RPN2: variants seen among roughly 807,000 people sequenced by gnomAD.
RPN2 encodes ribophorin II, also known as dolichyl-diphosphooligosaccharide--protein glycosyltransferase subunit 2.
RPN2 carries 29 observed loss-of-function variants against 71.4 expected under a neutral mutation model. That is an observed-to-expected ratio of 0.41 (90% CI 0.30 to 0.55). RPN2 has a LOEUF of 0.55. RPN2 is among the 20% of genes least tolerant of loss of function. The pLI is 0.35. For missense variants in RPN2, 726 were observed against 774.1 expected, an observed-to-expected ratio of 0.94 and a Z score of 0.74; for synonymous variants, 308 against 305.0, an observed-to-expected ratio of 1.01 and a Z score of -0.10.
At chr20:37,193,830 C>CT (rs2067198483) in intron 2 of RPN2, among the ~76,000 whole-genome samples, 3 of 152,070 alleles carry the variant, frequency 2.0e-5, no homozygotes, top group African/African-American at 7.2e-5. Flanking sequence ...GAAGTCTGGG[C>CT]TGGAGGTACG....
chr20:37,197,977 G>T (rs753186945), intron 2 of RPN2, among the ~76,000 whole-genome samples: 2 of 152,234 alleles, frequency 1.3e-5, no homozygotes, highest in Non-Finnish European at 2.9e-5. Context: ...AATCAGAAGA[G>T]ACTGCCACTT....
Position 37,236,842 on chromosome 20 carries a change from A to G in RPN2, c.1883+133A>G. On this transcript the variant is annotated intron_variant, in intron 16 of 16. Coordinates refer to ENST00000237530, the MANE Select transcript of RPN2 (RefSeq NM_002951.5). ...CAAGTCTGACACCCTAATCTAGCCC[A>G]GTACAGAAGCCAGAAGCACTTTGAA... The G allele has an allele frequency of 5.7e-6, 5 of 872,148 alleles. No homozygotes were observed. The South Asian group carries it at 7.0e-5, about 12-fold the overall frequency. The allele number at this position is 872,148 out of a possible 1,614,324, so 54.0% of individuals were successfully genotyped here. A position where few individuals can be genotyped will look rare whatever the true frequency, so the allele number is the denominator to read the frequency against.
intron 11 of RPN2, 130 bp from the exon 12 acceptor site, chr20:37,228,420 G>A (rs1279927190): frequency 1.2e-6 from 1 of 867,074 alleles, no homozygotes; most frequent in African/African-American, 1.7e-5. Context: ...TCTGGGGCAG[G>A]TCTGGCAGAT....
At chr20:37,202,723 G>C (rs1192531249) in intron 4 of RPN2, among the ~76,000 whole-genome samples, 11 of 152,132 alleles carry the variant, frequency 7.2e-5, no homozygotes, top group Non-Finnish European at 1.3e-4. Context: ...CCATAAAAAA[G>C]AATGAAGTGC....
chr20:37,203,215 G>A (rs902768001), intron 4 of RPN2, among the ~76,000 whole-genome samples: 1 of 152,100 alleles, frequency 6.6e-6, no homozygotes, highest in African/African-American at 2.4e-5. Context: ...GTGAGCCACC[G>A]TGCTCAACCA....
At chr20:37,216,627 A>G (rs12479986) in intron 9 of RPN2, among the ~76,000 whole-genome samples, 115,190 of 151,470 alleles carry the variant, frequency 0.76, 44,247 homozygotes, top group Middle Eastern at 0.89. Flanking sequence ...ACACCTGGCT[A>G]ATTTTTGCAT....
At chr20:37,240,627 G>T (rs2068526103) in intron 16 of RPN2, among the ~76,000 whole-genome samples, 1 of 152,194 alleles carries the variant, frequency 6.6e-6, no homozygotes, top group African/African-American at 2.4e-5. Context: ...AGTCTGTCTA[G>T]ATTGTCATTT....
chr20:37,229,269 A>T (rs2068169285), intron 12 of RPN2, among the ~76,000 whole-genome samples: 2 of 152,202 alleles, frequency 1.3e-5, no homozygotes, highest in Admixed American at 6.5e-5. Context: ...GATTGGCGTG[A>T]TGAGAGTAAA....
rs183537744 is a variant in RPN2 at position 37,228,577 on chromosome 20, A to C, written c.1327A>C (p.Thr443Pro). ...QTFVRLHNQKTGQEVVFVAEP... is the reference protein window; with the variant it reads ...QTFVRLHNQKPGQEVVFVAEP... ...ATTTGTCCGACTCCATAACCAGAAG[A>C]CTGGCCAGGAAGTGGTGTTTGTTGC... is the stretch of plus-strand genomic sequence containing the variant. The change falls in exon 12 of 17, where the codon ACT becomes CCT. Residue 443 changes from threonine to proline, a missense_variant. Transcript: ENST00000237530. 1 of 1,614,140 alleles carries C rather than the reference A, an allele frequency of 6.2e-7. No individual in the cohort carries two copies.
intron 15 of RPN2, among the ~76,000 whole-genome samples, chr20:37,234,964 G>A (rs2068346895): frequency 6.6e-6 from 1 of 152,166 alleles, no homozygotes; most frequent in African/African-American, 2.4e-5. Flanking sequence ...ATAGGTGTGA[G>A]CCACCACGCC....
rs763063909 is a variant in RPN2, at chr20:37,204,814, T to C, written c.603T>C (p.Phe201=). ...LDELGGVYLQ[F]EEGLETTALF... The stretch of plus-strand genomic sequence containing the variant: ...AACTCGGGGGCGTGTATCTCCAGTT[T>C]GAAGAAGGACTGGAAACAACAGCGT... Residue 201 remains phenylalanine (F), a synonymous_variant, in exon 6 of 17, where the codon TTT becomes TTC. Transcript: ENST00000237530. 2 of 1,614,130 alleles carry C rather than the reference T, an allele frequency of 1.2e-6. No individual in the cohort carries two copies. Among genetic ancestry groups the C allele is most frequent in the South Asian group, 2.2e-5 (2 of 91,084 alleles).
At chr20:37,215,755 A>AT (rs2067791016) in intron 9 of RPN2, among the ~76,000 whole-genome samples, 1 of 152,096 alleles carries the variant, frequency 6.6e-6, no homozygotes, top group Admixed American at 6.5e-5. Flanking sequence ...AATATTTGGT[A>AT]TTTTTAGGTT....
intron 9 of RPN2, among the ~76,000 whole-genome samples, chr20:37,217,370 G>A (rs2067837312): frequency 6.6e-6 from 1 of 151,088 alleles, no homozygotes; most frequent in Non-Finnish European, 1.5e-5. Context: ...CCGGCTCACT[G>A]GAACCTCCGC....
rs138894622 is a variant in RPN2, at chr20:37,213,787, C to T, written c.1014C>T (p.Asn338=). 1.3e-3 allele frequency: 2,071 copies of T among 1,613,864 alleles called. 2 individuals are homozygous for T. The highest frequency in any genetic ancestry group is 1.6e-3 in the Non-Finnish European group (1,892 of 1,179,764). Reference sequence around the variant, plus strand: ...ATGTTTTTGAACTAAATTTCATGAACGTCAAATTTTCCAGTGGTTATTATG... The same window carrying T: ...ATGTTTTTGAACTAAATTTCATGAATGTCAAATTTTCCAGTGGTTATTATG... ...VGDVFELNFM[N]VKFSSGYYDF... Residue 338 remains asparagine, a synonymous_variant, in exon 9 of 17, where the codon AAC becomes AAT. Transcript: ENST00000237530.
intron 7 of RPN2, among the ~76,000 whole-genome samples, chr20:37,208,919 A>G (rs149386463): frequency 1.5e-3 from 233 of 152,320 alleles, no homozygotes; most frequent in East Asian, 0.014. Context: ...CTGTTCTTCA[A>G]AATTGCCCAT....
chr20:37,219,023 C>T, intron 9 of RPN2, among the ~76,000 whole-genome samples: 1 of 152,014 alleles, frequency 6.6e-6, no homozygotes, highest in East Asian at 1.9e-4. Context: ...GTTTTTGGTT[C>T]TTTCAGGTAT....
chr20:37,211,198 C>G (rs911447453), intron 8 of RPN2, among the ~76,000 whole-genome samples: 81 of 151,580 alleles, frequency 5.3e-4, no homozygotes, highest in Non-Finnish European at 1.0e-3. Flanking sequence ...CTACGCCTGG[C>G]TAATTTTTGT....
chr20:37,188,470 A>G (rs1415938895), intron 2 of RPN2, among the ~76,000 whole-genome samples: 1 of 151,698 alleles, frequency 6.6e-6, no homozygotes, highest in Non-Finnish European at 1.5e-5. Flanking sequence ...GTACTTTTTA[A>G]CCTTCTTTCA....
At chr20:37,180,517 G>A (rs2066834233) in intron 1 of RPN2, among the ~76,000 whole-genome samples, 1 of 152,154 alleles carries the variant, frequency 6.6e-6, no homozygotes, top group Admixed American at 6.5e-5. Flanking sequence ...AGAAGATTAG[G>A]ATTCTGACAC....
Sources: gnomAD v4.1 joint callset for allele counts (sites outside exome capture counted in the v4.1 genomes callset) on GRCh38, gnomAD v4.1.1 for gene constraint, MANE v1.5 for transcripts, NCBI Gene and HGNC (gene_info 2026-07-23, HGNC 2026-07-21) for gene names.